GABRG3: variants seen among roughly 807,000 people sequenced by gnomAD.
GABRG3 encodes the protein gamma-aminobutyric acid receptor subunit gamma-3.
A neutral mutation model predicts 48.8 loss-of-function variants in GABRG3; 25 were observed. The observed-to-expected ratio is 0.51, with a 90% CI of 0.37 to 0.72. The LOEUF (loss-of-function observed/expected upper bound fraction) is 0.72. Ranked by LOEUF, GABRG3 falls within the 30% of genes least tolerant of loss-of-function variation. The probability of loss-of-function intolerance (pLI) is 0.00; values close to 1 mark genes in which losing one functional copy is unlikely to be tolerated. For synonymous variants in GABRG3, 227 were observed against 217.6 expected (o/e 1.04, Z -0.38); for missense variants, 394 against 577.9 (o/e 0.68, Z 3.26).
At chr15:27,441,596 G>A (rs981348949) in intron 5 of GABRG3, among the ~76,000 whole-genome samples, 4 of 152,074 alleles carry the variant, frequency 2.6e-5, no homozygotes, top group Non-Finnish European at 2.9e-5. Flanking sequence ...ATCTTCATTC[G>A]CTCTGATGAG....
Position 27,532,837 on chromosome 15 carries a change from C to T in GABRG3, c.1360C>T (p.Leu454=). 6.2e-7 allele frequency: 1 copy of T among 1,614,010 alleles called. No homozygotes were observed. The highest frequency in any genetic ancestry group is 8.5e-7 in the Non-Finnish European group (1 of 1,179,888). Residue 454 remains leucine (L), a synonymous_variant, in exon 10 of 10, where the codon CTG becomes TTG. Coordinates refer to ENST00000615808, the MANE Select transcript of GABRG3 (RefSeq NM_033223.5). ...CCGGGTCTTTTTCCCCACGTCCTTC[C>T]TGCTCTTTAACCTGGTCTACTGGGT... ...YSRVFFPTSF[L]LFNLVYWVGY... is the part of the protein sequence containing the mutation.
chr15:27,500,567 G>C (rs1344366327), intron 6 of GABRG3, among the ~76,000 whole-genome samples: 1 of 152,208 alleles, frequency 6.6e-6, no homozygotes, highest in Non-Finnish European at 1.5e-5. Flanking sequence ...ACGTAAACGT[G>C]CTAAATAAAG....
intron 3 of GABRG3, among the ~76,000 whole-genome samples, chr15:27,030,725 A>G (rs531404021): frequency 2.0e-5 from 3 of 152,258 alleles, no homozygotes; most frequent in African/African-American, 7.2e-5. Context: ...CAAATCCTTT[A>G]ATCTTCACAA....
intron 2 of GABRG3, among the ~76,000 whole-genome samples, chr15:27,003,878 A>T (rs544561629): frequency 8.8e-6 from 1 of 113,418 alleles, no homozygotes; most frequent in South Asian, 3.4e-4. Context: ...TCCCTCCCAG[A>T]CGGGGCGGCT....
intron 3 of GABRG3, among the ~76,000 whole-genome samples, chr15:27,154,028 G>A (rs966928731): frequency 6.6e-6 from 1 of 152,178 alleles, no homozygotes; most frequent in Non-Finnish European, 1.5e-5. Context: ...CTTACTAGGA[G>A]TTGGGCTGTG....
At chr15:27,502,172 T>C (rs1489053203) in intron 6 of GABRG3, among the ~76,000 whole-genome samples, 1 of 152,230 alleles carries the variant, frequency 6.6e-6, no homozygotes, top group Non-Finnish European at 1.5e-5. Context: ...ATTACAACCA[T>C]GGATCATGTT....
chr15:27,220,751 G>T (rs867225704), intron 3 of GABRG3, among the ~76,000 whole-genome samples: 2 of 152,038 alleles, frequency 1.3e-5, no homozygotes, highest in Non-Finnish European at 2.9e-5. Flanking sequence ...TATTTCTCTG[G>T]GGTCACTGGG....
chr15:27,167,158 G>A (rs1289631024), intron 3 of GABRG3, among the ~76,000 whole-genome samples: 3 of 152,156 alleles, frequency 2.0e-5, no homozygotes, highest in Non-Finnish European at 4.4e-5. Context: ...CTGTTGCCTG[G>A]GTGAATGGTT....
intron 3 of GABRG3, among the ~76,000 whole-genome samples, chr15:27,065,092 C>G (rs1053124334): frequency 5.9e-5 from 9 of 152,174 alleles, no homozygotes; most frequent in African/African-American, 2.2e-4. Context: ...CCATTGCTTC[C>G]TTGGCAGCTG....
chr15:27,100,946 C>T (rs185121190), intron 3 of GABRG3, among the ~76,000 whole-genome samples: 6 of 152,218 alleles, frequency 3.9e-5, no homozygotes, highest in Admixed American at 1.3e-4. Context: ...TTTTCAATGT[C>T]GCACTGGAAG....
chr15:27,442,411 A>G (rs529628232), intron 5 of GABRG3, among the ~76,000 whole-genome samples: 15 of 152,346 alleles, frequency 9.8e-5, no homozygotes, highest in Admixed American at 3.9e-4. Context: ...CAAAGGAGTG[A>G]CAGAATACAC....
chr15:27,296,213 G>A (rs1356952422), intron 3 of GABRG3, among the ~76,000 whole-genome samples: 3 of 152,202 alleles, frequency 2.0e-5, no homozygotes, highest in Non-Finnish European at 4.4e-5. Flanking sequence ...CATGAAAAAG[G>A]CAAAGGCATG....
rs796869337 is a variant in GABRG3, at chr15:27,195,919, G to T, written c.271-130890G>T. Among the ~76,000 whole-genome samples, 14 of 137,706 alleles carry T rather than the reference G, an allele frequency of 1.0e-4. No homozygotes were observed. The East Asian group carries it at 2.7e-3, about 26-fold the overall frequency. 90.3% of individuals were successfully genotyped at this position (137,706 alleles called of 152,430 possible). ...CAAGGTGCTGGGATTACAGCCATCA[G>T]CCACCGCACCCAGCCACCGCACCCA... On this transcript the variant is annotated intron_variant, in intron 3 of 9. Coordinates refer to ENST00000615808, the MANE Select transcript of GABRG3 (RefSeq NM_033223.5).
At chr15:27,470,910 T>TTTTG (rs1265993696) in intron 5 of GABRG3, among the ~76,000 whole-genome samples, 1 of 121,430 alleles carries the variant, frequency 8.2e-6, no homozygotes, top group Non-Finnish European at 1.6e-5. Context: ...TGGCTGTTTT[T>TTTTG]TTTGTTTGTT....
In GABRG3 at chr15:27,319,597, A is replaced by G. The variant is rs1471401900; in HGVS notation, c.271-7212A>G. ...GCAAATATGCCAATGCCACGGGAAG[A>G]TGGCAGACAGGAGGATGGAGAGGAC... On this transcript the variant is annotated intron_variant, in intron 3 of 9. Transcript: ENST00000615808. The surrounding 1 kb of genome is among the most constrained non-coding windows in gnomAD (Gnocchi z 4.4). Among the ~76,000 whole-genome samples the G allele has an allele frequency of 6.6e-6, 1 of 152,170 alleles. No individual in the cohort carries two copies. Among genetic ancestry groups the G allele is most frequent in the East Asian group, 1.9e-4 (1 of 5,174 alleles).
At chr15:27,399,849 A>T (rs917965910) in intron 5 of GABRG3, among the ~76,000 whole-genome samples, 4 of 152,210 alleles carry the variant, frequency 2.6e-5, no homozygotes, top group Non-Finnish European at 5.9e-5. Context: ...GCGTTGAATC[A>T]GAAGTTAAAT....
Position 27,293,682 on chromosome 15 carries a change from A to C in GABRG3, c.271-33127A>C, listed in dbSNP as rs76538271. On this transcript the variant is annotated intron_variant, in intron 3 of 9. Transcript: ENST00000615808. Reference sequence around the variant, plus strand: ...AACAGAGTGAGATTCTGTCTCAAAAAAAACAAACAAAAAAAAAAACAGAAC... The same window carrying C: ...AACAGAGTGAGATTCTGTCTCAAAACAAACAAACAAAAAAAAAAACAGAAC... Among the ~76,000 whole-genome samples the C allele has an allele frequency of 1.9e-3, 282 of 151,796 alleles. 2 individuals are homozygous for C. The highest frequency in any genetic ancestry group is 0.012 in the East Asian group (60 of 5,176).
intron 5 of GABRG3, among the ~76,000 whole-genome samples, chr15:27,466,025 C>G (rs769809432): frequency 5.3e-5 from 8 of 152,170 alleles, no homozygotes; most frequent in Non-Finnish European, 1.2e-4. Flanking sequence ...TGGTTAATAT[C>G]TAGAAACCTG....
intron 6 of GABRG3, among the ~76,000 whole-genome samples, chr15:27,501,111 C>G (rs1211174015): frequency 6.6e-6 from 1 of 151,974 alleles, no homozygotes; most frequent in East Asian, 1.9e-4. Flanking sequence ...GCCACCACGC[C>G]CAGCAAATTT....
Sources: allele counts gnomAD v4.1 joint callset (sites outside exome capture counted in the v4.1 genomes callset), GRCh38; gene constraint gnomAD v4.1.1; non-coding constraint Gnocchi (gnomAD v3.1); transcripts MANE v1.5; gene names NCBI Gene and HGNC (gene_info 2026-07-23, HGNC 2026-07-21).